DISP1: variants seen among roughly 807,000 people sequenced by gnomAD.
DISP1 encodes the protein dispatched RND transporter family member 1.
A neutral mutation model predicts 37.3 loss-of-function variants in DISP1; 30 were observed. The ratio of observed to expected loss-of-function variants is 0.80; its 90% CI spans 0.60 to 1.09. DISP1 has a LOEUF of 1.09. Among genes scored for constraint, DISP1 ranks in the 50% least tolerant of loss-of-function variants. DISP1 has a pLI of 0.00. For missense variants in DISP1, 1,598 were observed against 1,879.5 expected, an observed-to-expected ratio of 0.85 and a Z score of 2.77; for synonymous variants, 634 against 690.2, an observed-to-expected ratio of 0.92 and a Z score of 1.28.
intron 3 of DISP1, among the ~76,000 whole-genome samples, chr1:222,959,739 A>G (rs1450072532): frequency 1.3e-5 from 2 of 151,404 alleles, no homozygotes; most frequent in African/African-American, 4.8e-5. Flanking sequence ...AAGAAAAAAG[A>G]AAAATTATTG....
At chr1:222,972,881 T>TCTCG (rs1282109762) in intron 3 of DISP1, among the ~76,000 whole-genome samples, 1 of 152,004 alleles carries the variant, frequency 6.6e-6, no homozygotes, top group African/African-American at 2.4e-5. Context: ...GACTGTGTAG[T>TCTCG]CTCTATTTCA....
At chr1:222,956,632 CT>C (rs141189876) in intron 3 of DISP1, among the ~76,000 whole-genome samples, 2 of 151,662 alleles carry the variant, frequency 1.3e-5, no homozygotes, top group East Asian at 1.9e-4. Flanking sequence ...AATTGCATTG[CT>C]TTTTTTTAAC....
At chr1:222,902,189 C>T (rs1372323349) in intron 1 of DISP1, among the ~76,000 whole-genome samples, 3 of 152,056 alleles carry the variant, frequency 2.0e-5, no homozygotes, top group African/African-American at 7.2e-5. Context: ...TACTTCTTGC[C>T]TTCTGCTAGC....
At chr1:222,887,750 G>A (rs1423689093) in intron 1 of DISP1, among the ~76,000 whole-genome samples, 3 of 110,764 alleles carry the variant, frequency 2.7e-5, no homozygotes, top group Admixed American at 7.8e-5. Context: ...CACCCGCCTC[G>A]GCCTCCCAAA....
intron 1 of DISP1, among the ~76,000 whole-genome samples, chr1:222,899,407 G>A (rs1671456211): frequency 6.6e-6 from 1 of 152,200 alleles, no homozygotes; most frequent in African/African-American, 2.4e-5. Context: ...AAATGGTTAA[G>A]AGTAATTAAA....
At chr1:222,901,509 GTTTGTTTGTTTT>G (rs1225416452) in intron 1 of DISP1, among the ~76,000 whole-genome samples, 7 of 151,596 alleles carry the variant, frequency 4.6e-5, no homozygotes, top group Non-Finnish European at 2.9e-5. Flanking sequence ...TTGTTTGTTT[GTTTGTTTGTTTT>G]TTTGTTTGTT....
At chr1:222,896,165 T>C (rs766872181) in intron 1 of DISP1, among the ~76,000 whole-genome samples, 3 of 151,874 alleles carry the variant, frequency 2.0e-5, no homozygotes, top group Non-Finnish European at 4.4e-5. Flanking sequence ...AAAAATTAGC[T>C]GAGCATGGTG....
At chr1:222,994,784 A>G (rs1678937869) in intron 7 of DISP1, 101 bp from the exon 8 acceptor site, 2 of 843,564 alleles carry the variant, frequency 2.4e-6, no homozygotes. Flanking sequence ...TGAATCATCC[A>G]TGTGGTTTCC....
chr1:222,908,540 C>T (rs576644015), intron 1 of DISP1, among the ~76,000 whole-genome samples: 119 of 152,182 alleles, frequency 7.8e-4, no homozygotes, highest in Non-Finnish European at 1.4e-3. Flanking sequence ...GGATTACAGG[C>T]GCCCACCACC....
At chr1:222,847,372 A>T (rs141825005) in intron 1 of DISP1, among the ~76,000 whole-genome samples, 247 of 152,274 alleles carry the variant, frequency 1.6e-3, no homozygotes, top group Admixed American at 0.011. Flanking sequence ...AGAAACAAAG[A>T]TCTGAACACT....
In DISP1 at chr1:223,005,203, A is replaced by G. The variant is rs1572754543; in HGVS notation, c.3806A>G (p.Gln1269Arg). 1 of 1,614,166 alleles carries G rather than the reference A, an allele frequency of 6.2e-7. No individual in the cohort carries two copies. Among genetic ancestry groups the G allele is most frequent in the African/African-American group, 1.3e-5 (1 of 75,056 alleles). Residue 1269 changes from glutamine (Q) to arginine (R), a missense_variant, in exon 9 of 9, where the codon CAG becomes CGG. Physicochemically the swap from Gln to Arg is conservative, Grantham distance 43. Coordinates refer to ENST00000675850, the MANE Select transcript of DISP1 (RefSeq NM_001377229.1). The stretch of plus-strand genomic sequence containing the variant: ...GTGTGTCACTTCTTCTCTCTGAATC[A>G]GAGATGTAGCTGCCCAGATGCCTAC... The part of the protein sequence containing the change: ...HTVCHFFSLN[Q>R]RCSCPDAYKH...
intron 4 of DISP1, chr1:222,989,386 T>A: frequency 4.1e-6 from 4 of 985,432 alleles, no homozygotes; most frequent in Non-Finnish European, 4.8e-6. Context: ...GCAGGATGCA[T>A]TTTGAATTTT....
At chr1:222,909,123 T>C (rs1419162246) in intron 1 of DISP1, among the ~76,000 whole-genome samples, 1 of 152,178 alleles carries the variant, frequency 6.6e-6, no homozygotes, top group African/African-American at 2.4e-5. Context: ...TAGAATTCTG[T>C]AATTGTATCG....
chr1:222,936,677 A>ATATATATT (rs1339823421), intron 2 of DISP1, among the ~76,000 whole-genome samples: 1 of 106,840 alleles, frequency 9.4e-6, no homozygotes, highest in Non-Finnish European at 1.8e-5. Flanking sequence ...AGGTATATAT[A>ATATATATT]ATATATAAAA....
Position 223,003,373 on chromosome 1 carries a change from A to G in DISP1, c.1976A>G (p.His659Arg), listed in dbSNP as rs769444873. The change falls in exon 9 of 9, where the codon CAT (histidine) becomes CGT (arginine). Residue 659 changes from histidine to arginine, a missense_variant. His to Arg is a conservative substitution (Grantham distance 29, BLOSUM62 0). Transcript: ENST00000675850. This position sits in a 1 kb window ranked among gnomAD's most constrained non-coding sequence, Gnocchi z 4.3. ...TGGCTTCCAGCAGTTGTTGTGCTGC[A>G]TGAGCGGTATCTTCTTAATATATTC... is the stretch of plus-strand genomic sequence containing the variant. ...VTWLPAVVVL[H>R]ERYLLNIFTC... The G allele has an allele frequency of 6.2e-7, 1 of 1,614,136 alleles. No homozygotes were observed.
In DISP1 at chr1:222,943,075, T is replaced by G; in HGVS notation, c.252T>G (p.Pro84=). The part of the protein sequence containing the change: ...MPQMLPQCCH[P]CPYHHPLTSH... ...AGATGTTACCCCAATGCTGCCATCCTTGCCCATACCATCACCCTTTGACTA... is the reference window on the plus strand; with the variant it reads ...AGATGTTACCCCAATGCTGCCATCCGTGCCCATACCATCACCCTTTGACTA... The change falls in exon 3 of 9, where the codon CCT becomes CCG. Residue 84 remains proline (P), a synonymous_variant. Coordinates refer to ENST00000675850, the MANE Select transcript of DISP1 (RefSeq NM_001377229.1). 1 of 1,614,222 alleles carries G rather than the reference T, an allele frequency of 6.2e-7. No homozygotes were observed. The highest frequency in any genetic ancestry group is 8.5e-7 in the Non-Finnish European group (1 of 1,180,034).
chr1:222,896,577 G>T (rs1368767021), intron 1 of DISP1, among the ~76,000 whole-genome samples: 2 of 151,610 alleles, frequency 1.3e-5, no homozygotes, highest in Non-Finnish European at 2.9e-5. Flanking sequence ...CTTCAGCCTG[G>T]GTGACAGAGT....
intron 1 of DISP1, among the ~76,000 whole-genome samples, chr1:222,925,473 T>C (rs1673027768): frequency 6.6e-6 from 1 of 152,162 alleles, no homozygotes; most frequent in African/African-American, 2.4e-5. Context: ...CATTTTGTCA[T>C]GGGAATTTTT....
intron 1 of DISP1, among the ~76,000 whole-genome samples, chr1:222,851,776 C>CTT (rs71178503): frequency 0.077 from 11,101 of 144,092 alleles, 476 homozygotes; most frequent in Non-Finnish European, 0.099. Context: ...GTAAATATTT[C>CTT]TTTTTTTTTT....
Sources: allele counts gnomAD v4.1 joint callset (sites outside exome capture counted in the v4.1 genomes callset), GRCh38; gene constraint gnomAD v4.1.1; non-coding constraint Gnocchi (gnomAD v3.1); transcripts MANE v1.5; gene names NCBI Gene and HGNC (gene_info 2026-07-23, HGNC 2026-07-21).